The following GALNT13 variants were observed in gnomAD, a reference collection of about 807,000 sequenced individuals.
GALNT13 encodes polypeptide N-acetylgalactosaminyltransferase 13.
In GALNT13, 28 loss-of-function variants were observed where a neutral mutation model predicts 64.2. The observed-to-expected ratio is 0.44, with a 90% CI of 0.32 to 0.60. The LOEUF (loss-of-function observed/expected upper bound fraction) is 0.60. Among genes scored for constraint, GALNT13 ranks in the 20% least tolerant of loss-of-function variants. The pLI, the probability that GALNT13 is intolerant of heterozygous loss-of-function variation, is 0.05. For missense variants in GALNT13, 577 were observed against 669.8 expected, an observed-to-expected ratio of 0.86 and a Z score of 1.53; for synonymous variants, 214 against 224.6, an observed-to-expected ratio of 0.95 and a Z score of 0.42.
At chr2:154,396,223 TG>T in intron 10 of GALNT13, 93 bp downstream of exon 10, 1 of 747,296 alleles carries the variant, frequency 1.3e-6, no homozygotes, top group South Asian at 3.1e-5. Context: ...ATGAAAATGC[TG>T]TAAGGGATTT....
Position 154,171,301 on chromosome 2 carries a change from T to C in GALNT13, c.311+30796T>C, listed in dbSNP as rs142123151. Among the ~76,000 whole-genome samples the C allele has an allele frequency of 2.7e-3, 417 of 152,242 alleles. 2 individuals carry two copies. Among genetic ancestry groups the C allele is most frequent in the African/African-American group, 9.0e-3 (373 of 41,566 alleles). On this transcript the variant is annotated intron_variant, in intron 4 of 12. Coordinates refer to ENST00000392825, the MANE Select transcript of GALNT13 (RefSeq NM_052917.4). ...AGGGAATTAATACCACCTACTACTC[T>C]AGAAACTTGTTCTCAATTCCGCTTG... is the stretch of plus-strand genomic sequence containing the variant.
chr2:153,282,838 G>A, the GALNT13 span, among the ~76,000 whole-genome samples: 1 of 152,076 alleles, frequency 6.6e-6, no homozygotes, highest in Non-Finnish European at 1.5e-5. Flanking sequence ...TAGTATTACT[G>A]TTTCTTTTTC....
chr2:153,927,152 T>C (rs1280347493), intron 2 of GALNT13, among the ~76,000 whole-genome samples: 6 of 152,074 alleles, frequency 3.9e-5, no homozygotes, highest in Non-Finnish European at 8.8e-5. Context: ...AAAAATCTTA[T>C]TTTTAATAAA....
chr2:154,317,380 A>C (rs1424720303), intron 9 of GALNT13, among the ~76,000 whole-genome samples: 1 of 152,150 alleles, frequency 6.6e-6, no homozygotes, highest in African/African-American at 2.4e-5. Flanking sequence ...TTTTTAGTGA[A>C]GTAAGCTACA....
chr2:154,085,441 C>T (rs75712519), intron 3 of GALNT13, among the ~76,000 whole-genome samples: 212 of 152,026 alleles, frequency 1.4e-3, no homozygotes, highest in African/African-American at 4.9e-3. Context: ...TCCAAATGCA[C>T]AAATTGGGGA....
chr2:153,575,883 A>G, the GALNT13 span, among the ~76,000 whole-genome samples: 1 of 152,068 alleles, frequency 6.6e-6, no homozygotes. Context: ...CCCATCTCAG[A>G]GGCTTACTTA....
the GALNT13 span, among the ~76,000 whole-genome samples, chr2:153,734,057 T>C: frequency 0.018 from 2,696 of 152,218 alleles, 88 homozygotes; most frequent in African/African-American, 0.062. Context: ...TTCTATTTCA[T>C]TGGTGAAATC....
chr2:154,450,110 C>G (rs961355979), intron 12 of GALNT13, among the ~76,000 whole-genome samples: 1 of 151,988 alleles, frequency 6.6e-6, no homozygotes, highest in African/African-American at 2.4e-5. Flanking sequence ...CAACTGAACT[C>G]GGAGCTCACA....
At chr2:154,301,298 C>T in intron 8 of GALNT13, 111 bp from the exon 9 acceptor site, 1 of 900,528 alleles carries the variant, frequency 1.1e-6, no homozygotes, top group South Asian at 1.8e-5. Flanking sequence ...CTAAATTTTG[C>T]ATCAGATATT....
At chr2:153,612,312 A>G in the GALNT13 span, among the ~76,000 whole-genome samples, 1 of 152,164 alleles carries the variant, frequency 6.6e-6, no homozygotes, top group African/African-American at 2.4e-5. Flanking sequence ...CAGAAATACC[A>G]TTTGACCCAG....
intron 4 of GALNT13, among the ~76,000 whole-genome samples, chr2:154,145,728 T>G (rs957677736): frequency 6.6e-6 from 1 of 152,002 alleles, no homozygotes; most frequent in African/African-American, 2.4e-5. Flanking sequence ...AAATTTTGAA[T>G]AAGTTGCTCT....
the GALNT13 span, among the ~76,000 whole-genome samples, chr2:153,568,642 C>A: frequency 2.0e-5 from 3 of 152,066 alleles, no homozygotes; most frequent in African/African-American, 7.2e-5. Flanking sequence ...AGTTGTGATA[C>A]ACATGTGTAA....
chr2:153,903,326 T>A (rs1158712032), intron 2 of GALNT13, among the ~76,000 whole-genome samples: 1 of 152,026 alleles, frequency 6.6e-6, no homozygotes, highest in Non-Finnish European at 1.5e-5. Flanking sequence ...CAAAACTAAT[T>A]TTGACGAGGG....
chr2:153,508,614 C>G, the GALNT13 span, among the ~76,000 whole-genome samples: 1 of 152,120 alleles, frequency 6.6e-6, no homozygotes, highest in Non-Finnish European at 1.5e-5. Context: ...AGCTGGTGAC[C>G]AGGGCTGAGA....
intron 4 of GALNT13, among the ~76,000 whole-genome samples, chr2:154,226,416 C>G (rs1051963324): frequency 1.3e-5 from 2 of 152,056 alleles, no homozygotes; most frequent in Non-Finnish European, 2.9e-5. Context: ...AAATACCAGA[C>G]AAATCTCTCT....
chr2:153,100,844 C>A, the GALNT13 span, among the ~76,000 whole-genome samples: 1 of 152,114 alleles, frequency 6.6e-6, no homozygotes, highest in Non-Finnish European at 1.5e-5. Context: ...ACCTGGCCAA[C>A]ATGGTGAAAC....
rs549523038 is a variant in GALNT13 at position 153,887,159 on chromosome 2, G to A, written c.-176-13777G>A. Among the ~76,000 whole-genome samples the A allele has an allele frequency of 3.3e-5, 5 of 151,920 alleles. No homozygotes were observed. In the East Asian group the frequency reaches 9.7e-4, roughly 29 times the overall value. On this transcript the variant is annotated intron_variant, in intron 1 of 12. Transcript: ENST00000392825. ...AACATTAACTCATTTAATTCTTACA[G>A]CACTATGAGCTAGATATTCTCATCC...
the GALNT13 span, among the ~76,000 whole-genome samples, chr2:153,233,100 T>C: frequency 6.6e-6 from 1 of 152,188 alleles, no homozygotes; most frequent in Non-Finnish European, 1.5e-5. Flanking sequence ...GCTTTTAGAG[T>C]GTGAAATATT....
At chr2:153,960,620 A>G (rs1441089997) in intron 3 of GALNT13, among the ~76,000 whole-genome samples, 1 of 152,136 alleles carries the variant, frequency 6.6e-6, no homozygotes, top group Non-Finnish European at 1.5e-5. Context: ...TTGCCATGGA[A>G]AGGGTCAGCA....
Sources: allele counts gnomAD v4.1 joint callset (sites outside exome capture counted in the v4.1 genomes callset), GRCh38; gene constraint gnomAD v4.1.1; transcripts MANE v1.5; gene names NCBI Gene and HGNC (gene_info 2026-07-23, HGNC 2026-07-21).